DCC: variants seen among roughly 807,000 people sequenced by gnomAD.
DCC encodes netrin receptor DCC.
DCC carries 58 observed loss-of-function variants against 172.5 expected under a neutral mutation model. That is an observed-to-expected ratio of 0.34 (90% confidence interval 0.27 to 0.42). DCC has a LOEUF of 0.42. Among genes scored for constraint, DCC ranks in the 10% least tolerant of loss-of-function variants. The probability of loss-of-function intolerance (pLI) is 1.00; values close to 1 mark genes in which losing one functional copy is unlikely to be tolerated. For missense variants in DCC, 1,740 were observed against 1,791.0 expected, an observed-to-expected ratio of 0.97 and a Z score of 0.51; for synonymous variants, 709 against 644.5, an observed-to-expected ratio of 1.10 and a Z score of -1.52.
Position 53,531,932 on chromosome 18 carries a change from A to G in DCC, c.*1279A>G, listed in dbSNP as rs973867280. On this transcript the variant is annotated 3_prime_UTR_variant, in exon 29 of 29. Coordinates refer to ENST00000442544, the MANE Select transcript of DCC (RefSeq NM_005215.4). ...AGCAGCATCTTAAACTGTGGACTAC[A>G]GTTTTAAACTTCTATTGCCATGTTT... is the stretch of plus-strand genomic sequence containing the variant. The G allele has an allele frequency of 1.3e-5, 2 of 152,224 alleles. No homozygotes were observed. The highest frequency in any genetic ancestry group is 4.8e-5 in the African/African-American group (2 of 41,470). 9.4% of individuals were successfully genotyped at this position (152,224 alleles called of 1,614,324 possible).
intron 5 of DCC, among the ~76,000 whole-genome samples, chr18:52,928,870 A>T (rs2040258953): frequency 6.6e-6 from 1 of 152,098 alleles, no homozygotes; most frequent in African/African-American, 2.4e-5. Flanking sequence ...CAGTGTCTAT[A>T]TTGGCAGGAT....
At chr18:52,755,422 T>C (rs1045709694) in intron 2 of DCC, among the ~76,000 whole-genome samples, 4 of 152,226 alleles carry the variant, frequency 2.6e-5, no homozygotes, top group Non-Finnish European at 4.4e-5. Context: ...TTTAGTATTC[T>C]GTACAAGGAT....
At chr18:52,929,817 A>AACACACACACACACACACACAC (rs34457182) in intron 5 of DCC, among the ~76,000 whole-genome samples, 11 of 144,790 alleles carry the variant, frequency 7.6e-5, no homozygotes, top group African/African-American at 2.8e-4. Context: ...GGACTTTGCA[A>AACACACACACACACACACACAC]ACACACACAC....
chr18:52,656,060 GTATATATATGTGTA>G (rs1287480073), intron 1 of DCC, among the ~76,000 whole-genome samples: 1 of 134,556 alleles, frequency 7.4e-6, no homozygotes, highest in Non-Finnish European at 1.6e-5. Flanking sequence ...GTATATATGT[GTATATATATGTGTA>G]TATATATGTG....
chr18:52,756,235 C>T (rs957296164), intron 2 of DCC, among the ~76,000 whole-genome samples: 7 of 142,134 alleles, frequency 4.9e-5, no homozygotes, highest in Non-Finnish European at 1.1e-4. Flanking sequence ...AGATTGAGAA[C>T]AGCTGAAGAA....
intron 1 of DCC, among the ~76,000 whole-genome samples, chr18:52,618,029 G>T (rs1371116070): frequency 6.6e-6 from 1 of 152,084 alleles, no homozygotes; most frequent in Non-Finnish European, 1.5e-5. Context: ...GAATTATACA[G>T]AAATCATTTC....
Position 53,532,946 on chromosome 18 carries a change from A to C in DCC, c.*2293A>C, listed in dbSNP as rs534474724. The C allele has an allele frequency of 3.3e-5, 5 of 152,258 alleles. No individual in the cohort carries two copies. The East Asian group carries it at 7.7e-4, about 24-fold the overall frequency. The allele number at this position is 152,258 out of a possible 1,614,324, so 9.4% of individuals were successfully genotyped here. ...ATGTTATTTGTCTTCAGTGGAAGTT[A>C]TATTTCTGCTGCATGCTTTTGAAAC... On this transcript the variant is annotated 3_prime_UTR_variant, in exon 29 of 29. Coordinates refer to ENST00000442544, the MANE Select transcript of DCC (RefSeq NM_005215.4).
intron 21 of DCC, among the ~76,000 whole-genome samples, chr18:53,428,386 T>C (rs1183647827): frequency 2.1e-4 from 19 of 89,700 alleles, no homozygotes; most frequent in African/African-American, 7.7e-4. Flanking sequence ...TAATATATTG[T>C]ATATAATATA....
intron 12 of DCC, among the ~76,000 whole-genome samples, chr18:53,297,248 A>C (rs899223499): frequency 2.0e-5 from 3 of 152,168 alleles, no homozygotes; most frequent in African/African-American, 7.2e-5. Flanking sequence ...ATTGGACATG[A>C]CTATCCCAGG....
At chr18:53,451,488 T>C (rs1204879768) in intron 23 of DCC, among the ~76,000 whole-genome samples, 4 of 152,290 alleles carry the variant, frequency 2.6e-5, no homozygotes, top group African/African-American at 9.6e-5. Context: ...GATGTGTCTT[T>C]TTCAGCTACA....
chr18:52,757,255 A>C (rs75239539), intron 2 of DCC: 5 of 152,024 alleles, frequency 3.3e-5, no homozygotes, highest in Non-Finnish European at 7.4e-5. Context: ...TGTACAGGGC[A>C]CTCCTCTCAG....
chr18:53,430,229 A>G (rs1398175201), intron 21 of DCC, among the ~76,000 whole-genome samples: 1 of 152,138 alleles, frequency 6.6e-6, no homozygotes, highest in East Asian at 1.9e-4. Context: ...CACCCTTGGA[A>G]AGATATACAT....
chr18:53,481,992 C>T (rs1273052940), intron 25 of DCC, among the ~76,000 whole-genome samples: 3 of 152,056 alleles, frequency 2.0e-5, no homozygotes, highest in African/African-American at 7.2e-5. Flanking sequence ...TGATATCGCT[C>T]TCTGAGCTGT....
At chr18:52,858,038 G>T (rs541096847) in intron 2 of DCC, among the ~76,000 whole-genome samples, 1 of 152,146 alleles carries the variant, frequency 6.6e-6, no homozygotes, top group African/African-American at 2.4e-5. Context: ...TTCATTGCTG[G>T]AACCTCATCC....
intron 16 of DCC, among the ~76,000 whole-genome samples, chr18:53,388,127 A>G (rs916747130): frequency 6.6e-6 from 1 of 152,360 alleles, no homozygotes; most frequent in Admixed American, 6.5e-5. Context: ...TTGAAATAAT[A>G]CTAAAAGTTG....
At chr18:52,826,574 A>T (rs1371681494) in intron 2 of DCC, among the ~76,000 whole-genome samples, 1 of 152,048 alleles carries the variant, frequency 6.6e-6, no homozygotes, top group Non-Finnish European at 1.5e-5. Context: ...TCGGTCTCCC[A>T]GCCTCAAGCA....
At chr18:52,712,819 G>A (rs1286555291) in intron 1 of DCC, among the ~76,000 whole-genome samples, 3 of 152,202 alleles carry the variant, frequency 2.0e-5, no homozygotes, top group East Asian at 3.8e-4. Context: ...AAGGCAGAGG[G>A]AGAGCTGCAG....
chr18:52,784,844 G>A (rs2037623458), intron 2 of DCC, among the ~76,000 whole-genome samples: 1 of 151,166 alleles, frequency 6.6e-6, no homozygotes, highest in South Asian at 2.1e-4. Flanking sequence ...ATGTGAGTGG[G>A]TTAAGAAGTA....
intron 1 of DCC, among the ~76,000 whole-genome samples, chr18:52,593,085 T>G (rs2033834572): frequency 6.6e-6 from 1 of 152,190 alleles, no homozygotes; most frequent in South Asian, 2.1e-4. Flanking sequence ...ATTCAATAGA[T>G]TCATGGCTGG....
Sources: gnomAD v4.1 joint callset for allele counts (sites outside exome capture counted in the v4.1 genomes callset) on GRCh38, gnomAD v4.1.1 for gene constraint, MANE v1.5 for transcripts, NCBI Gene and HGNC (gene_info 2026-07-23, HGNC 2026-07-21) for gene names.